TCF7L1: variants seen among roughly 807,000 people sequenced by gnomAD.
The protein encoded by TCF7L1 is transcription factor 7 like 1.
A neutral mutation model predicts 63.7 loss-of-function variants in TCF7L1; 18 were observed. The observed-to-expected ratio is 0.28, with a 90% CI of 0.20 to 0.42. The LOEUF (loss-of-function observed/expected upper bound fraction) is 0.42. TCF7L1 is among the 10% of genes least tolerant of loss of function. The pLI is 1.00. For missense variants in TCF7L1, 654 were observed against 779.3 expected, an observed-to-expected ratio of 0.84 and a Z score of 1.91; for synonymous variants, 355 against 340.9, an observed-to-expected ratio of 1.04 and a Z score of -0.46.
chr2:85,283,604 C>T (rs1244041528), intron 4 of TCF7L1, 26 bp downstream of exon 4: 5 of 1,612,666 alleles, frequency 3.1e-6, no homozygotes, highest in Non-Finnish European at 4.2e-6. Flanking sequence ...CTTAAAGCAC[C>T]AAAGGGCCAC....
At chr2:85,135,931 AGG>A (rs56107490) in intron 3 of TCF7L1, among the ~76,000 whole-genome samples, 62,103 of 143,710 alleles carry the variant, frequency 0.43, 13,622 homozygotes, top group African/African-American at 0.54. Flanking sequence ...TGCCAATCAA[AGG>A]GGGGGGGGGA....
chr2:85,150,449 G>A (rs1450935347), intron 3 of TCF7L1, among the ~76,000 whole-genome samples: 1 of 152,064 alleles, frequency 6.6e-6, no homozygotes, highest in Admixed American at 6.5e-5. Context: ...AGACAGGATG[G>A]TCTCGATCTC....
chr2:85,206,770 A>C (rs952203679), intron 3 of TCF7L1, among the ~76,000 whole-genome samples: 2 of 152,206 alleles, frequency 1.3e-5, no homozygotes, highest in African/African-American at 2.4e-5. Context: ...AGCCTCATTT[A>C]ATCAAAAGTG....
At chr2:85,167,042 G>T (rs1216605524) in intron 3 of TCF7L1, 1 of 152,204 alleles carries the variant, frequency 6.6e-6, no homozygotes, top group East Asian at 1.9e-4. Flanking sequence ...GGGACTACAG[G>T]CGCCGGCCAC....
intron 5 of TCF7L1, among the ~76,000 whole-genome samples, chr2:85,302,953 A>C (rs566807768): frequency 6.6e-6 from 1 of 152,330 alleles, no homozygotes; most frequent in East Asian, 1.9e-4. Context: ...GTTTGCCCTA[A>C]ACTGAACATT....
At chr2:85,192,891 G>A (rs1679068199) in intron 3 of TCF7L1, among the ~76,000 whole-genome samples, 1 of 151,582 alleles carries the variant, frequency 6.6e-6, no homozygotes, top group South Asian at 2.1e-4. Context: ...CCAAGTTTTT[G>A]TTGCCCAGGC....
At position 85,297,420 on chromosome 2, in the gene TCF7L1, C is replaced by T. The variant is rs552207263; in HGVS notation, c.526-5064C>T. 2.6e-5 allele frequency among the ~76,000 whole-genome samples: 4 copies of T among 152,282 alleles called. No homozygotes were observed. In the South Asian group the frequency reaches 6.2e-4, roughly 24 times the overall value. On this transcript the variant is annotated intron_variant, in intron 4 of 11. Transcript: ENST00000282111. ...TCTCTGCTGCAGCCCACTGGCCTGC[C>T]GTGGGTCCTCACACGTGCTATGCCA... is the stretch of plus-strand genomic sequence containing the variant.
At chr2:85,159,253 C>G (rs1407072261) in intron 3 of TCF7L1, among the ~76,000 whole-genome samples, 2 of 152,132 alleles carry the variant, frequency 1.3e-5, no homozygotes, top group Non-Finnish European at 2.9e-5. Context: ...TTACAGACCA[C>G]CCCTCGAGCC....
chr2:85,307,009 T>C (rs1372499058), intron 10 of TCF7L1, among the ~76,000 whole-genome samples: 1 of 152,198 alleles, frequency 6.6e-6, no homozygotes, highest in Non-Finnish European at 1.5e-5. Flanking sequence ...GAGAAGCCCA[T>C]ACTTCTCTAG....
intron 3 of TCF7L1, among the ~76,000 whole-genome samples, chr2:85,270,144 T>C (rs1388261041): frequency 6.6e-6 from 1 of 152,210 alleles, no homozygotes; most frequent in Non-Finnish European, 1.5e-5. Context: ...TGTTCTTTTG[T>C]GTTGAGTATT....
intron 3 of TCF7L1, among the ~76,000 whole-genome samples, chr2:85,265,350 G>A (rs1680942274): frequency 6.6e-6 from 1 of 152,134 alleles, no homozygotes; most frequent in Admixed American, 6.5e-5. Context: ...TCATAATGGG[G>A]AACGCAGACA....
intron 3 of TCF7L1, among the ~76,000 whole-genome samples, chr2:85,192,000 C>T (rs748072112): frequency 6.6e-6 from 1 of 152,084 alleles, no homozygotes; most frequent in Non-Finnish European, 1.5e-5. Context: ...ACTTAGTGCA[C>T]TTTTGTTTTC....
chr2:85,203,211 C>G (rs1679318062), intron 3 of TCF7L1, among the ~76,000 whole-genome samples: 2 of 152,148 alleles, frequency 1.3e-5, no homozygotes, highest in African/African-American at 4.8e-5. Context: ...AATAGCATTT[C>G]TAACATTGGG....
Position 85,133,975 on chromosome 2 carries a change from G to C in TCF7L1, c.250-41G>C, listed in dbSNP as rs756180881. On this transcript the variant is annotated intron_variant, in intron 1 of 11. Transcript: ENST00000282111. The surrounding 1 kb of genome is among the most constrained non-coding windows in gnomAD (Gnocchi z 4.4). Reference sequence around the variant, plus strand: ...GCCACCCCCGGGGGATCCCGGCCCTGCGTCCGCTCACCCGCTCTTGCCTTT... The same window carrying C: ...GCCACCCCCGGGGGATCCCGGCCCTCCGTCCGCTCACCCGCTCTTGCCTTT... The C allele has an allele frequency of 3.2e-6, 5 of 1,585,394 alleles. No homozygotes were observed. The highest frequency in any genetic ancestry group is 1.5e-5 in the African/African-American group (1 of 67,326).
In TCF7L1 at chr2:85,200,580, A is replaced by G. The variant is rs114432482; in HGVS notation, c.441+66130A>G. ...AGCTGCAGACCTCAATTTCTGGTAC[A>G]TATCAAGCAATTCAACTTTTTCCTG... On this transcript the variant is annotated intron_variant, in intron 3 of 11. Transcript: ENST00000282111. Among the ~76,000 whole-genome samples, 652 of 152,324 alleles carry G rather than the reference A, an allele frequency of 4.3e-3. 2 individuals are homozygous for G. Among genetic ancestry groups the G allele is most frequent in the African/African-American group, 0.015 (618 of 41,574 alleles).
chr2:85,204,353 T>C (rs932451774), intron 3 of TCF7L1, among the ~76,000 whole-genome samples: 3 of 124,618 alleles, frequency 2.4e-5, no homozygotes, highest in African/African-American at 9.1e-5. Context: ...ACATACGCGC[T>C]TACCTCATTC....
At chr2:85,249,179 G>A (rs968120522) in intron 3 of TCF7L1, among the ~76,000 whole-genome samples, 1 of 152,208 alleles carries the variant, frequency 6.6e-6, no homozygotes, top group Admixed American at 6.5e-5. Flanking sequence ...TTTTCTCTGT[G>A]TGCTGAATGC....
chr2:85,136,535 C>G (rs1429023902), intron 3 of TCF7L1, among the ~76,000 whole-genome samples: 3 of 152,162 alleles, frequency 2.0e-5, no homozygotes, highest in African/African-American at 7.2e-5. Flanking sequence ...CTGCCCTGGC[C>G]CAGGCACCAG....
intron 3 of TCF7L1, among the ~76,000 whole-genome samples, chr2:85,227,435 C>G (rs909418386): frequency 6.6e-6 from 1 of 150,684 alleles, no homozygotes; most frequent in Non-Finnish European, 1.5e-5. Context: ...AGTAATACCC[C>G]CTCTTTTTTT....
Sources: gnomAD v4.1 joint callset for allele counts (sites outside exome capture counted in the v4.1 genomes callset) on GRCh38, gnomAD v4.1.1 for gene constraint, Gnocchi (gnomAD v3.1) non-coding constraint, MANE v1.5 for transcripts, NCBI Gene and HGNC (gene_info 2026-07-23, HGNC 2026-07-21) for gene names.